The following DEPTOR variants were observed in gnomAD, a reference collection of about 807,000 sequenced individuals.
DEPTOR encodes DEP domain-containing mTOR-interacting protein.
Under a neutral mutation model 41.6 loss-of-function variants are expected in DEPTOR, and 41 were observed. That is an observed-to-expected ratio of 0.98 (90% CI 0.77 to 1.28). The LOEUF is 1.28. DEPTOR is among the 50% of genes most tolerant of loss of function. The probability of loss-of-function intolerance (pLI) is 0.00; values close to 1 mark genes in which losing one functional copy is unlikely to be tolerated. For synonymous variants in DEPTOR, 195 were observed against 192.3 expected, an observed-to-expected ratio of 1.01 and a Z score of -0.12; for missense variants, 514 against 527.9, an observed-to-expected ratio of 0.97 and a Z score of 0.26.
At chr8:119,889,614 C>T (rs1303975608) in intron 1 of DEPTOR, among the ~76,000 whole-genome samples, 4 of 34,390 alleles carry the variant, frequency 1.2e-4, no homozygotes, top group African/African-American at 2.6e-4. Flanking sequence ...GGGGAGGGGA[C>T]GGGAGGGGAG....
intron 1 of DEPTOR, among the ~76,000 whole-genome samples, chr8:119,888,376 C>T (rs980980269): frequency 1.3e-5 from 2 of 152,118 alleles, no homozygotes; most frequent in African/African-American, 2.4e-5. Flanking sequence ...CTTTAGCTCT[C>T]GACTTGGCAG....
chr8:119,899,290 T>C lies in DEPTOR; in HGVS notation c.122+25322T>C, dbSNP rs1035763657. ...GGATTGCACTTTACTAACACAGGAGTCTCTTTCGATATCTTTTAATTCTTG... is the reference window on the plus strand; with the variant it reads ...GGATTGCACTTTACTAACACAGGAGCCTCTTTCGATATCTTTTAATTCTTG... On this transcript the variant is annotated intron_variant, in intron 1 of 8. Transcript: ENST00000286234. Among the ~76,000 whole-genome samples the C allele has an allele frequency of 2.1e-4, 32 of 152,118 alleles. 1 individual carries two copies. The highest frequency in any genetic ancestry group is 4.1e-4 in the Non-Finnish European group (28 of 68,026).
At chr8:119,938,884 TC>T (rs1828162923) in intron 3 of DEPTOR, among the ~76,000 whole-genome samples, 1 of 94,236 alleles carries the variant, frequency 1.1e-5, no homozygotes, top group South Asian at 3.7e-4. Context: ...CCTTCCCCTC[TC>T]TCTCTCTTTC....
At chr8:119,988,947 CTTTTTTTTTTCTTTTT>C (rs1828863711) in intron 4 of DEPTOR, among the ~76,000 whole-genome samples, 2 of 115,404 alleles carry the variant, frequency 1.7e-5, no homozygotes, top group African/African-American at 6.1e-5. Flanking sequence ...TAGCCATATC[CTTTTTTTTTTCTTTTT>C]TTTTTTTTTT....
chr8:120,017,531 C>T (rs1056322673), intron 8 of DEPTOR, among the ~76,000 whole-genome samples: 6 of 152,152 alleles, frequency 3.9e-5, no homozygotes, highest in Non-Finnish European at 8.8e-5. Context: ...GGAGTGGTCA[C>T]GTGTTCACCT....
chr8:119,988,730 G>C (rs564290950), intron 4 of DEPTOR, among the ~76,000 whole-genome samples: 1 of 152,214 alleles, frequency 6.6e-6, no homozygotes, highest in African/African-American at 2.4e-5. Flanking sequence ...CGAACTGCCC[G>C]CCTCGGGTCC....
intron 8 of DEPTOR, among the ~76,000 whole-genome samples, chr8:120,013,769 G>A (rs1202435371): frequency 1.3e-5 from 2 of 152,112 alleles, no homozygotes; most frequent in East Asian, 3.8e-4. Flanking sequence ...TTTTGAATGG[G>A]GGCAGAGCCC....
At chr8:119,918,385 A>T (rs1212871431) in intron 1 of DEPTOR, among the ~76,000 whole-genome samples, 1 of 152,176 alleles carries the variant, frequency 6.6e-6, no homozygotes, top group Non-Finnish European at 1.5e-5. Context: ...TAGGACTCTG[A>T]CTTGTTTTTT....
chr8:119,881,293 G>A (rs961845934), intron 1 of DEPTOR, among the ~76,000 whole-genome samples: 3 of 152,148 alleles, frequency 2.0e-5, no homozygotes, highest in Non-Finnish European at 4.4e-5. Flanking sequence ...AGGCCGAGGT[G>A]GGCAGATCAC....
At chr8:119,960,249 C>CA (rs1323661332) in intron 3 of DEPTOR, among the ~76,000 whole-genome samples, 1 of 149,216 alleles carries the variant, frequency 6.7e-6, no homozygotes, top group African/African-American at 2.5e-5. Flanking sequence ...AAACAAAAAA[C>CA]AAAAAAACAG....
In DEPTOR at chr8:120,021,542, T is replaced by C. The variant is rs141921203; in HGVS notation, c.1101+12409T>C. Among the ~76,000 whole-genome samples the C allele has an allele frequency of 2.2e-3, 338 of 152,348 alleles. 3 individuals are homozygous for C. The highest frequency in any genetic ancestry group is 7.9e-3 in the African/African-American group (327 of 41,584). On this transcript the variant is annotated intron_variant, in intron 8 of 8. Transcript: ENST00000286234. ...GTGTTACTCAGAGTCTTCTGGCTGATTGTTGCTTAAATACGCTTATATTTG... is the reference window on the plus strand; with the variant it reads ...GTGTTACTCAGAGTCTTCTGGCTGACTGTTGCTTAAATACGCTTATATTTG...
chr8:119,901,956 T>C (rs1276601854), intron 1 of DEPTOR, among the ~76,000 whole-genome samples: 3 of 152,174 alleles, frequency 2.0e-5, no homozygotes, highest in African/African-American at 7.2e-5. Context: ...TTCCTTTTCT[T>C]GATTTTATTT....
chr8:119,994,789 C>T (rs766379682), intron 4 of DEPTOR, among the ~76,000 whole-genome samples: 7 of 151,502 alleles, frequency 4.6e-5, no homozygotes, highest in East Asian at 3.9e-4. Flanking sequence ...TGGTGGTGCA[C>T]GCCTGTAGTC....
chr8:119,900,812 C>T (rs1244298975), intron 1 of DEPTOR, among the ~76,000 whole-genome samples: 1 of 152,098 alleles, frequency 6.6e-6, no homozygotes, highest in Non-Finnish European at 1.5e-5. Context: ...TTATCCCTCA[C>T]ATTTGTATGA....
At chr8:120,047,118 G>A (rs1342197917) in intron 8 of DEPTOR, among the ~76,000 whole-genome samples, 1 of 152,132 alleles carries the variant, frequency 6.6e-6, no homozygotes, top group East Asian at 1.9e-4. Flanking sequence ...CTGCCTCCCA[G>A]GTTCAAGCAA....
intron 3 of DEPTOR, among the ~76,000 whole-genome samples, chr8:119,964,932 G>T (rs1359281045): frequency 6.6e-6 from 1 of 152,058 alleles, no homozygotes; most frequent in African/African-American, 2.4e-5. Context: ...AATTAGCTGG[G>T]TGTGGTGACA....
intron 3 of DEPTOR, among the ~76,000 whole-genome samples, chr8:119,948,136 A>G (rs1828305972): frequency 6.6e-6 from 1 of 152,080 alleles, no homozygotes; most frequent in Admixed American, 6.6e-5. Context: ...TACAGCATTT[A>G]TCTGTCTTGC....
At chr8:120,035,436 A>C (rs1013167987) in intron 8 of DEPTOR, among the ~76,000 whole-genome samples, 5 of 152,208 alleles carry the variant, frequency 3.3e-5, no homozygotes, top group African/African-American at 1.2e-4. Context: ...ATCCACAGTA[A>C]AAGCAAATTT....
intron 3 of DEPTOR, among the ~76,000 whole-genome samples, chr8:119,961,309 G>A (rs1828488018): frequency 6.6e-6 from 1 of 151,764 alleles, no homozygotes; most frequent in African/African-American, 2.4e-5. Flanking sequence ...CCAGCTACTT[G>A]GGAGGCTGAG....
Sources: allele counts gnomAD v4.1 joint callset (sites outside exome capture counted in the v4.1 genomes callset), GRCh38; gene constraint gnomAD v4.1.1; transcripts MANE v1.5; gene names NCBI Gene and HGNC (gene_info 2026-07-23, HGNC 2026-07-21).